The following OR6B3 variants were observed in gnomAD, a reference collection of about 807,000 sequenced individuals.
The protein encoded by OR6B3 is olfactory receptor family 6 subfamily B member 3, also known as olfactory receptor 6B3.
For missense variants in OR6B3, 315 were observed against 427.4 expected (o/e 0.74, Z 2.32); for synonymous variants, 148 against 187.8 (o/e 0.79, Z 1.73).
chr2:240,051,325 A>C (rs1698253451), upstream of OR6B3, among the ~76,000 whole-genome samples: 1 of 152,230 alleles, frequency 6.6e-6, no homozygotes, highest in Non-Finnish European at 1.5e-5. Flanking sequence ...GATTAAAAGC[A>C]ATCATAGAAG....
chr2:240,046,422 T>C lies in OR6B3; in HGVS notation c.-25-325A>G, dbSNP rs538066574. On this transcript the variant is annotated intron_variant, in intron 1 of 1. Coordinates refer to ENST00000641019, the Ensembl canonical transcript of OR6B3. ...AGGGACCCAATAACCATGAAGGGCA[T>C]CCACAGGGTGTCCGGTGTCCTCCAG... 2.0e-5 allele frequency among the ~76,000 whole-genome samples: 3 copies of C among 152,312 alleles called. No homozygotes were observed. The South Asian group carries it at 6.2e-4, about 32-fold the overall frequency.
exon 2 of OR6B3, chr2:240,045,416 C>G (rs13389099): frequency 0.27 from 433,938 of 1,613,726 alleles, 59,721 homozygotes; most frequent in African/African-American, 0.31. Context: ...GGGTGATGTG[C>G]GCATATGACA....
upstream of OR6B3, among the ~76,000 whole-genome samples, chr2:240,051,608 C>T (rs945443644): frequency 3.9e-5 from 6 of 152,126 alleles, no homozygotes; most frequent in South Asian, 2.1e-4. Context: ...AACTATGTAT[C>T]GATTATTTTT....
upstream of OR6B3, among the ~76,000 whole-genome samples, chr2:240,047,692 G>T (rs964114079): frequency 6.6e-6 from 1 of 151,100 alleles, no homozygotes; most frequent in Non-Finnish European, 1.5e-5. Flanking sequence ...AAAAGAAAAA[G>T]TTATGCACTG....
At position 240,045,536 on chromosome 2, in the gene OR6B3, A is replaced by T; in HGVS notation, c.537T>A (p.Cys179Ter). The change falls in exon 2 of 2, where the codon TGT (cysteine) becomes TGA (stop). Residue 179 changes from cysteine (C) to a stop codon, truncating the protein, a stop_gained. Transcript: ENST00000641019. LOFTEE classifies it low-confidence loss of function (END_TRUNC). The stretch of plus-strand genomic sequence containing the variant: ...CCAGCTTGAGGATGGGGGAAATGTC[A>T]CAGAAGAAGTGGTTCAAGACGTTGG... 6.3e-7 allele frequency: 1 copy of T among 1,588,978 alleles called. No homozygotes were observed. Among genetic ancestry groups the T allele is most frequent in the East Asian group, 2.2e-5 (1 of 44,722 alleles).
upstream of OR6B3, among the ~76,000 whole-genome samples, chr2:240,051,194 C>T (rs936461108): frequency 6.6e-6 from 1 of 152,066 alleles, no homozygotes; most frequent in Non-Finnish European, 1.5e-5. Flanking sequence ...CAGGTGGAGA[C>T]CCACCAAATG....
chr2:240,045,621 C>T (rs894873973), exon 2 of OR6B3: 2 of 1,432,396 alleles, frequency 1.4e-6, no homozygotes, highest in Non-Finnish European at 2.0e-6. Context: ...GGTGAAGCCA[C>T]TCACAAAGGA....
At chr2:240,044,999 T>C (rs1698159392), downstream of OR6B3, 2 of 1,407,772 alleles carry the variant, frequency 1.4e-6, no homozygotes, top group Non-Finnish European at 1.9e-6. Flanking sequence ...GTTTTTTTCC[T>C]GAAGGAGAAA....
chr2:240,045,528 G>A lies in OR6B3; in HGVS notation c.545C>T (p.Ser182Phe), dbSNP rs539411894. 52 of 1,599,732 alleles carry A rather than the reference G, an allele frequency of 3.3e-5. 1 individual carries two copies. The East Asian group carries it at 1.0e-3, about 32-fold the overall frequency. ...CGTGCAGGCCAGCTTGAGGATGGGGGAAATGTCACAGAAGAAGTGGTTCAA... is the reference window on the plus strand; with the variant it reads ...CGTGCAGGCCAGCTTGAGGATGGGGAAAATGTCACAGAAGAAGTGGTTCAA... The change falls in exon 2 of 2, where the codon TCC (serine) becomes TTC (phenylalanine). Residue 182 changes from serine (S) to phenylalanine (F), a missense_variant. Ser to Phe is a radical substitution (Grantham distance 155). Transcript: ENST00000641019.
At chr2:240,046,154 G>A (rs1242534044) in intron 1 of OR6B3, 57 bp from the exon 3 acceptor site, 3 of 1,239,270 alleles carry the variant, frequency 2.4e-6, no homozygotes, top group Non-Finnish European at 3.4e-6. Context: ...GGCAGAGGGA[G>A]AGTGGAGCTG....
At chr2:240,046,308 G>A (rs1228723593) in intron 1 of OR6B3, among the ~76,000 whole-genome samples, 1 of 152,046 alleles carries the variant, frequency 6.6e-6, no homozygotes, top group Non-Finnish European at 1.5e-5. Flanking sequence ...CTGTAACACT[G>A]GGTCTGGAAT....
chr2:240,053,011 C>T, the OR6B3 span, among the ~76,000 whole-genome samples: 1 of 152,126 alleles, frequency 6.6e-6, no homozygotes, highest in Non-Finnish European at 1.5e-5. The surrounding 1 kb of genome is among the most constrained non-coding windows in gnomAD (Gnocchi z 4.1). Context: ...CCATGTTGGC[C>T]AGGCTGGTCT....
upstream of OR6B3, among the ~76,000 whole-genome samples, chr2:240,049,964 A>G (rs892191090): frequency 6.6e-6 from 1 of 152,160 alleles, no homozygotes; most frequent in Non-Finnish European, 1.5e-5. Context: ...AAATTTTAAT[A>G]GTAAATCATG....
intron 1 of OR6B3, 37 bp from the exon 3 acceptor site, chr2:240,046,134 G>T (rs1698185688): frequency 7.1e-7 from 1 of 1,410,504 alleles, no homozygotes; most frequent in African/African-American, 1.4e-5. Context: ...AAGGGCTGCA[G>T]GGAAGCTGGG....
chr2:240,052,445 G>A, the OR6B3 span, among the ~76,000 whole-genome samples: 1 of 152,000 alleles, frequency 6.6e-6, no homozygotes, highest in Non-Finnish European at 1.5e-5. The surrounding 1 kb of genome is among the most constrained non-coding windows in gnomAD (Gnocchi z 4.5). Context: ...AAGATAACGA[G>A]CACCACCATA....
At chr2:240,044,678 A>G (rs1698155041), downstream of OR6B3, among the ~76,000 whole-genome samples, 1 of 152,268 alleles carries the variant, frequency 6.6e-6, no homozygotes, top group Non-Finnish European at 1.5e-5. Flanking sequence ...ATCAGAGAAC[A>G]TTCGTTGGGT....
upstream of OR6B3, among the ~76,000 whole-genome samples, chr2:240,050,806 A>C (rs2106528658): frequency 6.6e-6 from 1 of 152,158 alleles, no homozygotes; most frequent in Non-Finnish European, 1.5e-5. Flanking sequence ...ACTGCTTGAC[A>C]GATCTCAAAG....
At chr2:240,046,490 G>A (rs1486775590) in intron 1 of OR6B3, among the ~76,000 whole-genome samples, 1 of 152,174 alleles carries the variant, frequency 6.6e-6, no homozygotes, top group African/African-American at 2.4e-5. Flanking sequence ...TGTATTGTTT[G>A]AGTCTGACGC....
chr2:240,045,372 C>T (rs12465491), exon 2 of OR6B3: 441,588 of 1,613,802 alleles, frequency 0.27, 62,914 homozygotes, highest in East Asian at 0.55. Context: ...GGCTCTCCAG[C>T]AGCCGGTGGC....
Sources: allele counts gnomAD v4.1 joint callset (sites outside exome capture counted in the v4.1 genomes callset), GRCh38; gene constraint gnomAD v4.1.1; non-coding constraint Gnocchi (gnomAD v3.1); transcripts MANE v1.5; gene names NCBI Gene and HGNC (gene_info 2026-07-23, HGNC 2026-07-21).